SNX29: variants seen among roughly 807,000 people sequenced by gnomAD.
SNX29 encodes the protein sorting nexin-29.
SNX29 carries 78 observed loss-of-function variants against 102.1 expected under a neutral mutation model. The ratio of observed to expected loss-of-function variants is 0.76; its 90% confidence interval spans 0.64 to 0.92. The LOEUF (loss-of-function observed/expected upper bound fraction) is 0.92, where lower values mean the gene tolerates loss of function less well. Among genes scored for constraint, SNX29 ranks in the 40% least tolerant of loss-of-function variants. The probability of loss-of-function intolerance (pLI) is 0.00; values close to 1 mark genes in which losing one functional copy is unlikely to be tolerated. For synonymous variants in SNX29, 580 were observed against 414.5 expected, an observed-to-expected ratio of 1.40 and a Z score of -4.85; for missense variants, 1,280 against 1,061.7, an observed-to-expected ratio of 1.21 and a Z score of -2.86.
intron 13 of SNX29, among the ~76,000 whole-genome samples, chr16:12,158,722 C>G (rs545667554): frequency 6.6e-6 from 1 of 152,322 alleles, no homozygotes; most frequent in East Asian, 1.9e-4. Flanking sequence ...CGGGGTAGCC[C>G]GAGTGGAACC....
intron 14 of SNX29, among the ~76,000 whole-genome samples, chr16:12,270,699 A>C (rs768665919): frequency 3.3e-5 from 5 of 152,110 alleles, no homozygotes; most frequent in Non-Finnish European, 7.4e-5. Flanking sequence ...ATCTACATGA[A>C]ATGATATCAC....
intron 20 of SNX29, among the ~76,000 whole-genome samples, chr16:12,554,912 G>T (rs1267766618): frequency 6.6e-6 from 1 of 152,132 alleles, no homozygotes; most frequent in East Asian, 1.9e-4. Flanking sequence ...GTGCAGGGGA[G>T]AGGGGCTGAG....
rs1285439168 is a variant in SNX29 at position 12,477,864 on chromosome 16, C to T, written c.2178+5C>T. On this transcript the variant is annotated splice_donor_5th_base_variant and intron_variant, in intron 19 of 20. Coordinates refer to ENST00000566228, the MANE Select transcript of SNX29 (RefSeq NM_032167.5). Reference sequence around the variant, plus strand: ...AAAAAGGCCATTGGAAACAAGGTACCATCCCGTGCTGGGAAGCCCACTTGT... The same window carrying T: ...AAAAAGGCCATTGGAAACAAGGTACTATCCCGTGCTGGGAAGCCCACTTGT... The T allele has an allele frequency of 1.3e-6, 2 of 1,591,968 alleles. No individual in the cohort carries two copies. Among genetic ancestry groups the T allele is most frequent in the South Asian group, 2.3e-5 (2 of 87,642 alleles).
At chr16:12,169,763 G>C (rs771937109) in intron 13 of SNX29, among the ~76,000 whole-genome samples, 3 of 152,052 alleles carry the variant, frequency 2.0e-5, no homozygotes, top group Non-Finnish European at 4.4e-5. Flanking sequence ...TTGGGAGGCT[G>C]AGGCAGGAGA....
chr16:12,309,525 C>A (rs1436769253), intron 15 of SNX29, among the ~76,000 whole-genome samples: 2 of 152,146 alleles, frequency 1.3e-5, no homozygotes, highest in East Asian at 3.9e-4. Flanking sequence ...TGTGTCCTGT[C>A]TGGCTTCTCC....
chr16:12,548,887 C>A (rs374549352), intron 20 of SNX29, among the ~76,000 whole-genome samples: 9 of 152,232 alleles, frequency 5.9e-5, no homozygotes, highest in African/African-American at 1.4e-4. Context: ...GAACCCTACA[C>A]ATAGCAGCAC....
At chr16:12,020,272 G>A (rs140897092) in intron 3 of SNX29, among the ~76,000 whole-genome samples, 2,294 of 152,082 alleles carry the variant, frequency 0.015, 21 homozygotes, top group Middle Eastern at 0.041. Context: ...ACAGGCATGC[G>A]CAACCACACC....
chr16:11,997,441 A>G (rs1596552437), intron 1 of SNX29, among the ~76,000 whole-genome samples: 1 of 146,958 alleles, frequency 6.8e-6, no homozygotes, highest in Non-Finnish European at 1.5e-5. Context: ...TCCTAGTGTG[A>G]CTCTCTAACA....
At chr16:12,129,158 A>C (rs1015547456) in intron 12 of SNX29, among the ~76,000 whole-genome samples, 1 of 152,232 alleles carries the variant, frequency 6.6e-6, no homozygotes, top group Non-Finnish European at 1.5e-5. Flanking sequence ...AAATGAGACT[A>C]GACGTTTATG....
chr16:12,568,564 C>A lies in SNX29; in HGVS notation c.2377C>A (p.Pro793Thr), dbSNP rs571088190. Reference protein sequence around the residue: ...NSRPKAASRFPKLSRGQPRET... With the variant: ...NSRPKAASRFTKLSRGQPRET... ...CCGGCCCAAAGCAGCTTCCCGCTTC[C>A]CCAAACTGTCCCGGGGTCAGCCCCG... The change falls in exon 21 of 21, where the codon CCC (proline) becomes ACC (threonine). Residue 793 changes from proline to threonine, a missense_variant. Coordinates refer to ENST00000566228, the MANE Select transcript of SNX29 (RefSeq NM_032167.5). 1.9e-6 allele frequency: 3 copies of A among 1,608,302 alleles called. No individual in the cohort carries two copies. Among genetic ancestry groups the A allele is most frequent in the East Asian group, 2.2e-5 (1 of 44,870 alleles).
chr16:12,026,710 C>G (rs966452401), intron 3 of SNX29, among the ~76,000 whole-genome samples: 5 of 152,144 alleles, frequency 3.3e-5, no homozygotes, highest in African/African-American at 9.7e-5. Context: ...GAATAAAGAA[C>G]AAGAATCAGA....
intron 13 of SNX29, among the ~76,000 whole-genome samples, chr16:12,182,468 C>G (rs1285456366): frequency 6.6e-6 from 1 of 152,112 alleles, no homozygotes; most frequent in East Asian, 1.9e-4. Context: ...CTAACGCTTG[C>G]TCATTCAGAG....
At chr16:12,281,683 A>G (rs2079434375) in intron 15 of SNX29, among the ~76,000 whole-genome samples, 1 of 152,172 alleles carries the variant, frequency 6.6e-6, no homozygotes, top group African/African-American at 2.4e-5. Context: ...GATCCTGAGA[A>G]GAGTTCTTTG....
intron 14 of SNX29, among the ~76,000 whole-genome samples, chr16:12,236,168 T>A (rs898951225): frequency 6.6e-6 from 1 of 152,162 alleles, no homozygotes; most frequent in Non-Finnish European, 1.5e-5. Flanking sequence ...ATAAATCTCA[T>A]CAAATACCCA....
intron 20 of SNX29, among the ~76,000 whole-genome samples, chr16:12,567,048 A>T (rs547762565): frequency 6.6e-6 from 1 of 152,374 alleles, no homozygotes; most frequent in East Asian, 1.9e-4. Flanking sequence ...ATACATGAAG[A>T]TGCTAGGCTG....
intron 20 of SNX29, among the ~76,000 whole-genome samples, chr16:12,541,574 C>G (rs1008521246): frequency 2.0e-5 from 3 of 152,160 alleles, no homozygotes; most frequent in South Asian, 2.1e-4. Flanking sequence ...AAATTGCTCT[C>G]CATGCCAGAC....
intron 19 of SNX29, among the ~76,000 whole-genome samples, chr16:12,518,194 A>G (rs1213647401): frequency 6.6e-6 from 1 of 152,054 alleles, no homozygotes; most frequent in African/African-American, 2.4e-5. Flanking sequence ...TAAGCTTCCT[A>G]CACCCTACTG....
intron 14 of SNX29, among the ~76,000 whole-genome samples, chr16:12,209,029 C>T (rs1286638278): frequency 6.6e-6 from 1 of 152,120 alleles, no homozygotes; most frequent in African/African-American, 2.4e-5. Context: ...ATAGAGGGAC[C>T]ATGTTGTAGC....
At chr16:12,039,437 G>A (rs1218177335) in intron 4 of SNX29, among the ~76,000 whole-genome samples, 2 of 152,140 alleles carry the variant, frequency 1.3e-5, no homozygotes, top group Non-Finnish European at 2.9e-5. Flanking sequence ...ACGAGTTCTT[G>A]TTGTCTCTAG....
Sources: gnomAD v4.1 joint callset for allele counts (sites outside exome capture counted in the v4.1 genomes callset) on GRCh38, gnomAD v4.1.1 for gene constraint, MANE v1.5 for transcripts, NCBI Gene and HGNC (gene_info 2026-07-23, HGNC 2026-07-21) for gene names.